The following GLDC variants were observed in gnomAD, a reference collection of about 807,000 sequenced individuals.
The protein encoded by GLDC is glycine decarboxylase, also known as glycine dehydrogenase (decarboxylating), mitochondrial.
GLDC carries 104 observed loss-of-function variants against 121.3 expected under a neutral mutation model. That is an observed-to-expected ratio of 0.86 (90% CI 0.73 to 1.01). GLDC has a LOEUF of 1.01. Ranked by LOEUF, GLDC falls within the 50% of genes least tolerant of loss-of-function variation. The probability of loss-of-function intolerance (pLI) is 0.00; values close to 1 mark genes in which losing one functional copy is unlikely to be tolerated. For synonymous variants in GLDC, 546 were observed against 480.6 expected (o/e 1.14, Z -1.78); for missense variants, 1,429 against 1,306.6 (o/e 1.09, Z -1.44).
chr9:6,605,415 C>T, intron 5 of GLDC, 137 bp from the exon 6 acceptor site: 1 of 783,548 alleles, frequency 1.3e-6, no homozygotes, highest in Non-Finnish European at 2.2e-6. Context: ...CACATCCCGT[C>T]CCACAGGCAC....
chr9:6,601,520 T>C (rs1818611130), intron 8 of GLDC, among the ~76,000 whole-genome samples: 1 of 151,814 alleles, frequency 6.6e-6, no homozygotes, highest in Non-Finnish European at 1.5e-5. Context: ...TAATGCTTTT[T>C]ATTTTTTTTA....
chr9:6,634,173 G>A (rs1478178468), intron 2 of GLDC, among the ~76,000 whole-genome samples: 3 of 151,952 alleles, frequency 2.0e-5, no homozygotes, highest in Non-Finnish European at 4.4e-5. Flanking sequence ...GCTGCGGTAA[G>A]CCAGGATTGC....
At chr9:6,556,381 A>C in intron 17 of GLDC, 79 bp from the exon 18 acceptor site, 2 of 1,194,040 alleles carry the variant, frequency 1.7e-6, no homozygotes, top group South Asian at 1.2e-5. Context: ...CTTTCATTTT[A>C]AAGGATGAAG....
intron 11 of GLDC, among the ~76,000 whole-genome samples, chr9:6,591,510 G>A (rs548457965): frequency 2.3e-4 from 35 of 152,284 alleles, no homozygotes; most frequent in African/African-American, 8.2e-4. Context: ...TGTATTAAAT[G>A]AATATCATAA....
At chr9:6,611,521 A>T (rs1368796483) in intron 3 of GLDC, among the ~76,000 whole-genome samples, 1 of 150,052 alleles carries the variant, frequency 6.7e-6, no homozygotes, top group Non-Finnish European at 1.5e-5. Context: ...ACGCCACTGT[A>T]CTCCAGCCTG....
intron 5 of GLDC, chr9:6,605,484 T>C: frequency 1.6e-6 from 1 of 624,588 alleles, no homozygotes; most frequent in Non-Finnish European, 2.9e-6. Context: ...CTTCTGTTCC[T>C]CTCTTCTATC....
chr9:6,565,020 G>A (rs1817827373), intron 16 of GLDC, among the ~76,000 whole-genome samples: 1 of 152,198 alleles, frequency 6.6e-6, no homozygotes, highest in Admixed American at 6.5e-5. Context: ...CCCAGGGCCG[G>A]GGCTGAGCCA....
At chr9:6,611,668 T>A (rs752960530) in intron 3 of GLDC, among the ~76,000 whole-genome samples, 1 of 152,228 alleles carries the variant, frequency 6.6e-6, no homozygotes, top group Non-Finnish European at 1.5e-5. Context: ...CTAATTATCA[T>A]TTCCTTTTTA....
intron 15 of GLDC, among the ~76,000 whole-genome samples, chr9:6,582,334 C>A (rs1383974363): frequency 6.0e-5 from 9 of 149,406 alleles, no homozygotes; most frequent in African/African-American, 2.2e-4. Context: ...GCTTGGCCAA[C>A]ACGGCGAAAC....
At chr9:6,608,318 AG>A (rs1339247299) in intron 4 of GLDC, among the ~76,000 whole-genome samples, 111 of 149,562 alleles carry the variant, frequency 7.4e-4, no homozygotes, top group Non-Finnish European at 1.5e-4. Flanking sequence ...GCTACGTGGG[AG>A]GCTGAGGCAG....
chr9:6,577,652 CTGTT>C (rs1818093134), intron 15 of GLDC, among the ~76,000 whole-genome samples: 1 of 152,174 alleles, frequency 6.6e-6, no homozygotes, highest in Non-Finnish European at 1.5e-5. Flanking sequence ...CTAGAGACAA[CTGTT>C]TGAGTCCCAT....
At chr9:6,644,400 A>T (rs566129555) in intron 2 of GLDC, 3 of 611,106 alleles carry the variant, frequency 4.9e-6, no homozygotes, top group Non-Finnish European at 5.8e-6. Context: ...CAAGAACCGC[A>T]CAACACCGAC....
chr9:6,590,734 C>A (rs1452061821), intron 11 of GLDC, among the ~76,000 whole-genome samples: 1 of 152,120 alleles, frequency 6.6e-6, no homozygotes, highest in Admixed American at 6.5e-5. Context: ...CCCTCTTGAC[C>A]CCTTAGTGAT....
intron 17 of GLDC, chr9:6,558,236 G>C (rs60720378): frequency 3.0e-4 from 171 of 579,148 alleles, no homozygotes; most frequent in African/African-American, 2.9e-3. Flanking sequence ...AGATGTGTAA[G>C]TGTGACTGCC....
intron 6 of GLDC, 132 bp downstream of exon 6, chr9:6,604,999 A>T: frequency 9.8e-7 from 1 of 1,023,156 alleles, no homozygotes; most frequent in South Asian, 1.3e-5. Context: ...GGAGTCAGGA[A>T]GGAGAGTTTT....
chr9:6,561,573 C>T (rs148131223), intron 16 of GLDC, among the ~76,000 whole-genome samples: 5 of 152,096 alleles, frequency 3.3e-5, no homozygotes, highest in Non-Finnish European at 5.9e-5. Flanking sequence ...CACTTGAACC[C>T]GGGAGGCGGA....
Position 6,556,460 on chromosome 9 carries a change from C to A in GLDC, c.2053-158G>T, listed in dbSNP as rs577940759. Reference sequence around the variant, plus strand: ...GTACAATGACAGCAATAAAAAAAAACCACAGCCATTACTCCCTTCACAAAT... The same window carrying A: ...GTACAATGACAGCAATAAAAAAAAAACACAGCCATTACTCCCTTCACAAAT... On this transcript the variant is annotated intron_variant, in intron 17 of 24. Transcript: ENST00000321612. Among the ~76,000 whole-genome samples the A allele has an allele frequency of 2.2e-3, 328 of 152,232 alleles. 1 individual carries two copies. The highest frequency in any genetic ancestry group is 7.2e-3 in the African/African-American group (297 of 41,536).
intron 2 of GLDC, among the ~76,000 whole-genome samples, chr9:6,627,460 C>T (rs781744670): frequency 2.6e-5 from 4 of 152,204 alleles, no homozygotes; most frequent in Non-Finnish European, 4.4e-5. Context: ...TCTCAAGCAC[C>T]TGTGGACTCT....
At chr9:6,594,501 G>C (rs1191362071) in intron 9 of GLDC, among the ~76,000 whole-genome samples, 8 of 152,096 alleles carry the variant, frequency 5.3e-5, no homozygotes, top group Non-Finnish European at 7.4e-5. Flanking sequence ...TTCGAGACCA[G>C]CCTGGAAAAC....
Sources: gnomAD v4.1 joint callset for allele counts (sites outside exome capture counted in the v4.1 genomes callset) on GRCh38, gnomAD v4.1.1 for gene constraint, MANE v1.5 for transcripts, NCBI Gene and HGNC (gene_info 2026-07-23, HGNC 2026-07-21) for gene names.